The following WFIKKN1 variants were observed in gnomAD, a reference collection of about 807,000 sequenced individuals.
The protein encoded by WFIKKN1 is WAP, follistatin/kazal, immunoglobulin, kunitz and netrin domain containing 1, also known as WAP, Kazal, immunoglobulin, Kunitz and NTR domain-containing protein 1.
WFIKKN1 carries 6 observed loss-of-function variants against 4.6 expected under a neutral mutation model. The observed-to-expected ratio is 1.31, with a 90% CI of 0.72 to 2.59. The LOEUF is 2.59. Ranked by LOEUF, WFIKKN1 falls within the 30% of genes most tolerant of loss-of-function variation. The probability of loss-of-function intolerance (pLI) is 0.00; values close to 1 mark genes in which losing one functional copy is unlikely to be tolerated. For synonymous variants in WFIKKN1, 468 were observed against 367.4 expected (o/e 1.27, Z -3.13); for missense variants, 964 against 818.0 (o/e 1.18, Z -2.18).
At position 633,300 on chromosome 16, in the gene WFIKKN1, C is replaced by A. The variant is rs769026528; in HGVS notation, c.890C>A (p.Ala297Asp). 3 of 1,591,884 alleles carry A rather than the reference C, an allele frequency of 1.9e-6. No individual in the cohort carries two copies. The African/African-American group carries it at 4.0e-5, about 21-fold the overall frequency. ...RDAAPSIPAP[A>D]ECLPDVQACT... ...GCAGCCCCCAGCATCCCAGCCCCGG[C>A]CGAGTGCCTGCCGGATGTGCAGGCC... Residue 297 changes from alanine (A) to aspartate (D), a missense_variant, in exon 2 of 2, where the codon GCC (alanine) becomes GAC (aspartate). Ala to Asp is a moderately radical substitution (Grantham distance 126). Coordinates refer to ENST00000319070, the MANE Select transcript of WFIKKN1 (RefSeq NM_053284.3).
At position 632,753 on chromosome 16, in the gene WFIKKN1, C is replaced by T. The variant is rs773500880; in HGVS notation, c.343C>T (p.Arg115Cys). The T allele has an allele frequency of 8.1e-6, 13 of 1,608,970 alleles. No homozygotes were observed. Among genetic ancestry groups the T allele is most frequent in the East Asian group, 2.2e-5 (1 of 44,772 alleles). ...CDIWDGQPVC[R>C]CRDRCEKEPS... is the part of the protein sequence containing the mutation. Reference sequence around the variant, plus strand: ...CATCTGGGACGGGCAGCCCGTGTGCCGCTGCCGCGACCGCTGTGAGAAGGA... The same window carrying T: ...CATCTGGGACGGGCAGCCCGTGTGCTGCTGCCGCGACCGCTGTGAGAAGGA... The change falls in exon 2 of 2, where the codon CGC becomes TGC. Residue 115 changes from arginine (R) to cysteine (C), a missense_variant. Arg to Cys is a radical substitution (Grantham distance 180). Transcript: ENST00000319070.
chr16:631,593 A>C, intron 1 of WFIKKN1, 169 bp downstream of exon 1: 1 of 503,584 alleles, frequency 2.0e-6, no homozygotes, highest in Non-Finnish European at 2.9e-6. Flanking sequence ...TGTCTTAAGA[A>C]TAAGAGCCCT....
Position 633,666 on chromosome 16 carries a change from C to T in WFIKKN1, c.1256C>T (p.Ala419Val). The stretch of plus-strand genomic sequence containing the variant: ...GTGCCGCGCACACCGCCCTGCCGCG[C>T]CTGCCGCCTCCGGAGCAAGCTGGCG... ...CPVPRTPPCRACRLRSKLALS... is the reference protein window; with the variant it reads ...CPVPRTPPCRVCRLRSKLALS... Residue 419 changes from alanine to valine, a missense_variant, in exon 2 of 2, where the codon GCC (alanine) becomes GTC (valine). Ala to Val is a moderately conservative substitution (Grantham distance 64, BLOSUM62 0). Coordinates refer to ENST00000319070, the MANE Select transcript of WFIKKN1 (RefSeq NM_053284.3). 1 of 1,575,964 alleles carries T rather than the reference C, an allele frequency of 6.3e-7. No homozygotes were observed. The highest frequency in any genetic ancestry group is 8.6e-7 in the Non-Finnish European group (1 of 1,162,510).
chr16:632,850 T>G lies in WFIKKN1; in HGVS notation c.440T>G (p.Leu147Arg). 6.4e-7 allele frequency: 1 copy of G among 1,573,292 alleles called. No individual in the cohort carries two copies. Among genetic ancestry groups the G allele is most frequent in the Non-Finnish European group, 8.6e-7 (1 of 1,157,188 alleles). Residue 147 changes from leucine (L) to arginine (R), a missense_variant, in exon 2 of 2, where the codon CTG becomes CGG. Transcript: ENST00000319070. ...TGCTATATGGACGCCGAGGCCTGCC[T>G]GCGGGGCCTGCACCTCCACATCGTG... ...NRCYMDAEAC[L>R]RGLHLHIVPC... is the part of the protein sequence containing the mutation.
chr16:631,396 C>A lies in WFIKKN1; in HGVS notation c.143C>A (p.Thr48Asn), dbSNP rs1165933336. The A allele has an allele frequency of 6.2e-7, 1 of 1,609,746 alleles. No homozygotes were observed. The highest frequency in any genetic ancestry group is 1.1e-5 in the South Asian group (1 of 91,054). The part of the protein sequence containing the change: ...SPNLWVDAQS[T>N]CERECSRDQD... Reference sequence around the variant, plus strand: ...AACCTGTGGGTGGACGCCCAGAGCACCTGTGAGCGCGAGTGTAGCAGGGAC... The same window carrying A: ...AACCTGTGGGTGGACGCCCAGAGCAACTGTGAGCGCGAGTGTAGCAGGGAC... The change falls in exon 1 of 2, where the codon ACC (threonine) becomes AAC (asparagine). Residue 48 changes from threonine to asparagine, a missense_variant. Thr to Asn is a moderately conservative substitution (Grantham distance 65). Transcript: ENST00000319070.
rs1360672574 is a variant in WFIKKN1, at chr16:633,540, A to G, written c.1130A>G (p.Tyr377Cys). The change falls in exon 2 of 2, where the codon TAC becomes TGC. Residue 377 changes from tyrosine (Y) to cysteine (C), a missense_variant. Coordinates refer to ENST00000319070, the MANE Select transcript of WFIKKN1 (RefSeq NM_053284.3). ...PCRGWEPRWA[Y>C]SPLLQQCHPF... The stretch of plus-strand genomic sequence containing the variant: ...CGGGGCTGGGAGCCGCGCTGGGCCT[A>G]CAGCCCGCTGCTGCAGCAGTGCCAT... The G allele has an allele frequency of 6.5e-6, 10 of 1,529,874 alleles. No individual in the cohort carries two copies. Among genetic ancestry groups the G allele is most frequent in the Admixed American group, 4.1e-5 (2 of 48,702 alleles). 94.8% of individuals were successfully genotyped at this position (1,529,874 alleles called of 1,614,324 possible).
chr16:631,409 G>A lies in WFIKKN1; in HGVS notation c.156G>A (p.Glu52=). The A allele has an allele frequency of 6.2e-7, 1 of 1,609,208 alleles. No homozygotes were observed. Among genetic ancestry groups the A allele is most frequent in the Non-Finnish European group, 8.5e-7 (1 of 1,179,216 alleles). The change falls in exon 1 of 2, where the codon GAG becomes GAA. Residue 52 remains glutamate (E), a synonymous_variant. Coordinates refer to ENST00000319070, the MANE Select transcript of WFIKKN1 (RefSeq NM_053284.3). ...WVDAQSTCER[E]CSRDQDCAAA... ...ACGCCCAGAGCACCTGTGAGCGCGA[G>A]TGTAGCAGGGACCAGGTGAGTGTGG...
intron 1 of WFIKKN1, 129 bp from the exon 2 acceptor site, chr16:632,453 T>C: frequency 8.3e-7 from 1 of 1,202,332 alleles, no homozygotes; most frequent in Non-Finnish European, 1.1e-6. Context: ...GGACACTGAG[T>C]CCCCGGGGAG....
chr16:631,574 G>T, intron 1 of WFIKKN1, 150 bp downstream of exon 1: 1 of 953,604 alleles, frequency 1.0e-6, no homozygotes, highest in South Asian at 2.0e-5. Flanking sequence ...CCCCATCGTT[G>T]CCCTCATTTG....
Position 633,211 on chromosome 16 carries a change from C to T in WFIKKN1, c.801C>T (p.Asn267=), listed in dbSNP as rs759632816. The T allele has an allele frequency of 1.1e-5, 18 of 1,589,724 alleles. 1 individual carries two copies. Among genetic ancestry groups the T allele is most frequent in the African/African-American group, 9.4e-5 (7 of 74,190 alleles). The part of the protein sequence containing the change: ...DAGLYTCTAR[N]AAGLLRADFP... ...GCCTGTACACCTGCACCGCGCGCAACGCTGCTGGGCTGCTGCGGGCTGACT... is the reference window on the plus strand; with the variant it reads ...GCCTGTACACCTGCACCGCGCGCAATGCTGCTGGGCTGCTGCGGGCTGACT... Residue 267 remains asparagine, a synonymous_variant, in exon 2 of 2, where the codon AAC becomes AAT. Transcript: ENST00000319070.
rs373808690 is a variant in WFIKKN1 at position 631,306 on chromosome 16, C to T, written c.53C>T (p.Ser18Leu). The change falls in exon 1 of 2, where the codon TCG becomes TTG. Residue 18 changes from serine to leucine, a missense_variant. Coordinates refer to ENST00000319070, the MANE Select transcript of WFIKKN1 (RefSeq NM_053284.3). ...LPLLLLLRLTSGAGLLPGLGS... is the reference protein window; with the variant it reads ...LPLLLLLRLTLGAGLLPGLGS... ...CTCCTGCTCCTCCTCCGGCTGACCT[C>T]GGGGGCTGGCTTGCTGCCAGGGCTG... 40 of 1,599,608 alleles carry T rather than the reference C, an allele frequency of 2.5e-5. No homozygotes were observed. Among genetic ancestry groups the T allele is most frequent in the Middle Eastern group, 1.7e-4 (1 of 5,910 alleles).
At chr16:631,535 TCTGGGC>T in intron 1 of WFIKKN1, 111 bp downstream of exon 1, 2 of 1,391,550 alleles carry the variant, frequency 1.4e-6, no homozygotes, top group South Asian at 2.8e-5. Context: ...GGGGTCTGGG[TCTGGGC>T]CCCTTAAGGG....
In WFIKKN1 at chr16:632,924, G is replaced by C; in HGVS notation, c.514G>C (p.Glu172Gln). Residue 172 changes from glutamate (E) to glutamine (Q), a missense_variant, in exon 2 of 2, where the codon GAG (glutamate) becomes CAG (glutamine). By Grantham distance (29) the Glu-to-Gln change is conservative. Transcript: ENST00000319070. ...SWPPSSPGPP[E>Q]TTARPTPGAA... The stretch of plus-strand genomic sequence containing the variant: ...GCCGCCCAGCAGCCCGGGGCCGCCG[G>C]AGACCACTGCCCGCCCCACACCTGG... The C allele has an allele frequency of 1.3e-6, 2 of 1,560,810 alleles. No individual in the cohort carries two copies. Among genetic ancestry groups the C allele is most frequent in the Non-Finnish European group, 1.7e-6 (2 of 1,153,582 alleles).
rs188081606 is a variant in WFIKKN1, at chr16:632,914, G to A, written c.504G>A (p.Pro168=). 1.8e-4 allele frequency: 280 copies of A among 1,561,154 alleles called. No individual in the cohort carries two copies. The highest frequency in any genetic ancestry group is 1.5e-3 in the African/African-American group (112 of 73,288). The change falls in exon 2 of 2, where the codon CCG becomes CCA. Residue 168 remains proline, a synonymous_variant. Transcript: ENST00000319070. ...TGCTCAGCTGGCCGCCCAGCAGCCC[G>A]GGGCCGCCGGAGACCACTGCCCGCC... ...KHVLSWPPSS[P]GPPETTARPT... is the part of the protein sequence containing the mutation.
In WFIKKN1 at chr16:631,362, C is replaced by T. The variant is rs2036946956; in HGVS notation, c.109C>T (p.Leu37Phe). The change falls in exon 1 of 2, where the codon CTC becomes TTC. Residue 37 changes from leucine (L) to phenylalanine (F), a missense_variant. Transcript: ENST00000319070. ...CCACCCGGGCGTGTGCCCCAACCAGCTCAGCCCCAACCTGTGGGTGGACGC... is the reference window on the plus strand; with the variant it reads ...CCACCCGGGCGTGTGCCCCAACCAGTTCAGCCCCAACCTGTGGGTGGACGC... Reference protein sequence around the residue: ...GSHPGVCPNQLSPNLWVDAQS... With the variant: ...GSHPGVCPNQFSPNLWVDAQS... The T allele has an allele frequency of 6.2e-7, 1 of 1,608,818 alleles. No individual in the cohort carries two copies. The highest frequency in any genetic ancestry group is 8.5e-7 in the Non-Finnish European group (1 of 1,179,496).
chr16:632,528 G>A, intron 1 of WFIKKN1, 54 bp from the exon 2 acceptor site: 1 of 1,438,504 alleles, frequency 7.0e-7, no homozygotes, highest in Non-Finnish European at 9.1e-7. Flanking sequence ...GGCCAGGCCA[G>A]AGCCCCGGGG....
chr16:632,353 G>A (rs2036960826), intron 1 of WFIKKN1: 2 of 492,822 alleles, frequency 4.1e-6, no homozygotes, highest in South Asian at 8.8e-5. Flanking sequence ...ACAACGTAAA[G>A]AATAACGGAA....
chr16:632,454 C>T lies in WFIKKN1; in HGVS notation c.172-128C>T, dbSNP rs2036961765. On this transcript the variant is annotated intron_variant, in intron 1 of 1. Coordinates refer to ENST00000319070, the MANE Select transcript of WFIKKN1 (RefSeq NM_053284.3). ...ACACAGGATGGAAAGGACACTGAGTCCCCGGGGAGGCAGCCACAGAGCGGG... is the reference window on the plus strand; with the variant it reads ...ACACAGGATGGAAAGGACACTGAGTTCCCGGGGAGGCAGCCACAGAGCGGG... 5 of 1,211,320 alleles carry T rather than the reference C, an allele frequency of 4.1e-6. No individual in the cohort carries two copies. In the South Asian group the frequency reaches 1.0e-4, roughly 25 times the overall value. The allele number at this position is 1,211,320 out of a possible 1,614,324, so 75.0% of individuals were successfully genotyped here.
chr16:632,994 A>G lies in WFIKKN1; in HGVS notation c.584A>G (p.Gln195Arg). 1 of 1,598,424 alleles carries G rather than the reference A, an allele frequency of 6.3e-7. No individual in the cohort carries two copies. Among genetic ancestry groups the G allele is most frequent in the Non-Finnish European group, 8.5e-7 (1 of 1,171,476 alleles). Residue 195 changes from glutamine (Q) to arginine (R), a missense_variant, in exon 2 of 2, where the codon CAG (glutamine) becomes CGG (arginine). Physicochemically the swap from Gln to Arg is conservative, Grantham distance 43. Transcript: ENST00000319070. ...PPALYSSPSPQAVQVGGTASL... is the reference protein window; with the variant it reads ...PPALYSSPSPRAVQVGGTASL... ...GCCCTGTACAGCAGCCCCTCCCCAC[A>G]GGCGGTGCAGGTTGGGGGTACGGCC...
Sources: allele counts gnomAD v4.1 joint callset, GRCh38; gene constraint gnomAD v4.1.1; transcripts MANE v1.5; gene names NCBI Gene and HGNC (gene_info 2026-07-23, HGNC 2026-07-21).